AJUBA: variants seen among roughly 807,000 people sequenced by gnomAD.
AJUBA encodes the protein ajuba LIM protein.
Under a neutral mutation model 53.3 loss-of-function variants are expected in AJUBA, and 20 were observed. The ratio of observed to expected loss-of-function variants is 0.38; its 90% CI spans 0.26 to 0.55. The LOEUF (loss-of-function observed/expected upper bound fraction) is 0.55. Among genes scored for constraint, AJUBA ranks in the 20% least tolerant of loss-of-function variants. The probability of loss-of-function intolerance (pLI) is 0.80; values close to 1 mark genes in which losing one functional copy is unlikely to be tolerated. For missense variants in AJUBA, 580 were observed against 730.5 expected (o/e 0.79, Z 2.38); for synonymous variants, 296 against 306.2 (o/e 0.97, Z 0.35).
At chr14:22,981,226 G>T (rs745580013) in intron 1 of AJUBA, 35 bp downstream of exon 1, 6 of 1,552,748 alleles carry the variant, frequency 3.9e-6, no homozygotes, top group East Asian at 2.3e-5. Context: ...ACCGTGACGG[G>T]TCCCTTCCCG....
intron 7 of AJUBA, 97 bp from the exon 8 acceptor site, chr14:22,973,665 C>G: frequency 6.6e-7 from 1 of 1,510,194 alleles, no homozygotes; most frequent in Non-Finnish European, 9.0e-7. Context: ...CTCCTAATAA[C>G]TGGAAGAAAG....
chr14:22,973,244 C>G lies in AJUBA; in HGVS notation c.*199G>C, dbSNP rs1004906347. The G allele has an allele frequency of 4.6e-5, 38 of 828,530 alleles. No individual in the cohort carries two copies. Among genetic ancestry groups the G allele is most frequent in the Non-Finnish European group, 6.9e-5 (38 of 549,290 alleles). The allele number at this position is 828,530 out of a possible 1,614,324, so 51.3% of individuals were successfully genotyped here. On this transcript the variant is annotated 3_prime_UTR_variant, in exon 8 of 8. Coordinates refer to ENST00000262713, the MANE Select transcript of AJUBA (RefSeq NM_032876.6). The stretch of plus-strand genomic sequence containing the variant: ...ACATGGGAAAAAGGCCAGTCGCCCC[C>G]ACCCTGGTAAATATAAGGTTTCTCT...
rs1293903399 is a variant in AJUBA, at chr14:22,979,665, T to C, written c.1007-1220A>G. 2.0e-5 allele frequency among the ~76,000 whole-genome samples: 3 copies of C among 152,178 alleles called. No individual in the cohort carries two copies. The highest frequency in any genetic ancestry group is 7.2e-5 in the African/African-American group (3 of 41,434). On this transcript the variant is annotated intron_variant, in intron 1 of 7. Coordinates refer to ENST00000262713, the MANE Select transcript of AJUBA (RefSeq NM_032876.6). This position sits in a 1 kb window ranked among gnomAD's most constrained non-coding sequence, Gnocchi z 4.0. ...GTGAAGATCTGCCCCAAGATTGCCATGCCAGGGGGTCCTGTCGGAGCCATT... is the reference window on the plus strand; with the variant it reads ...GTGAAGATCTGCCCCAAGATTGCCACGCCAGGGGGTCCTGTCGGAGCCATT...
In AJUBA at chr14:22,982,467, C is replaced by G; in HGVS notation, c.-201G>C. ...GGAGGGGCTGCGTCCCCCCGCGCAT[C>G]TGGGGCTGAGCGGGGCTAGCAGGGT... On this transcript the variant is annotated 5_prime_UTR_variant, in exon 1 of 8. Transcript: ENST00000262713. 1 of 1,427,110 alleles carries G rather than the reference C, an allele frequency of 7.0e-7. No homozygotes were observed. Among genetic ancestry groups the G allele is most frequent in the Non-Finnish European group, 9.1e-7 (1 of 1,098,192 alleles). 88.4% of individuals were successfully genotyped at this position (1,427,110 alleles called of 1,614,324 possible).
Position 22,973,521 on chromosome 14 carries a change from A to G in AJUBA, c.1539T>C (p.Pro513=), listed in dbSNP as rs1168846453. 1.2e-6 allele frequency: 2 copies of G among 1,614,052 alleles called. No homozygotes were observed. Among genetic ancestry groups the G allele is most frequent in the Non-Finnish European group, 1.7e-6 (2 of 1,180,026 alleles). ...CATGGCAGAGCAAGTGCCCATCCAG[A>G]GGGAAACAGCAGCAGCCTTCCTCAT... The part of the protein sequence containing the change: ...LSDEEGCCCF[P]LDGHLLCHGC... The change falls in exon 8 of 8, where the codon CCT becomes CCC. Residue 513 remains proline, a synonymous_variant. Coordinates refer to ENST00000262713, the MANE Select transcript of AJUBA (RefSeq NM_032876.6).
rs1180773834 is a variant in AJUBA at position 22,982,086 on chromosome 14, A to G, written c.181T>C (p.Leu61=). ...GATGGPGDEP[L]EPAREQGSLD... ...GAACCTTGCTCCCGGGCCGGCTCCA[A>G]CGGCTCATCCCCAGGTCCCCCAGTA... The change falls in exon 1 of 8, where the codon TTG becomes CTG. Residue 61 remains leucine, a synonymous_variant. Coordinates refer to ENST00000262713, the MANE Select transcript of AJUBA (RefSeq NM_032876.6). The G allele has an allele frequency of 3.8e-6, 6 of 1,592,766 alleles. No individual in the cohort carries two copies. The highest frequency in any genetic ancestry group is 5.1e-6 in the Non-Finnish European group (6 of 1,172,446).
chr14:22,977,178 T>C (rs2045045131), intron 2 of AJUBA: 2 of 991,814 alleles, frequency 2.0e-6, no homozygotes, highest in African/African-American at 1.7e-5. Flanking sequence ...CTCAAATGCC[T>C]GTCTCCTTCC....
intron 2 of AJUBA, 116 bp downstream of exon 2, chr14:22,978,228 A>G (rs748921279): frequency 2.0e-6 from 2 of 985,926 alleles, no homozygotes; most frequent in East Asian, 4.9e-5. Flanking sequence ...TGGGGATCCA[A>G]CAGCTGCTCT....
At chr14:22,978,234 G>C in intron 2 of AJUBA, 110 bp downstream of exon 2, 1 of 1,053,812 alleles carries the variant, frequency 9.5e-7, no homozygotes, top group Non-Finnish European at 1.4e-6. Context: ...TCCAACAGCT[G>C]CTCTGTGAGC....
chr14:22,974,591 A>G (rs965255276), intron 6 of AJUBA: 2 of 510,164 alleles, frequency 3.9e-6, no homozygotes, highest in Middle Eastern at 5.1e-4. Context: ...CTCGACCTCA[A>G]AGAAAGTCTC....
chr14:22,978,698 G>C, intron 1 of AJUBA: 1 of 1,270,294 alleles, frequency 7.9e-7, no homozygotes, highest in Non-Finnish European at 1.0e-6. Flanking sequence ...CACTACCTAA[G>C]GAAACCTGGA....
At position 22,981,851 on chromosome 14, in the gene AJUBA, CG is replaced by C; in HGVS notation, c.415del (p.Arg139GlyfsTer103). 6.5e-7 allele frequency: 1 copy of C among 1,534,362 alleles called. No individual in the cohort carries two copies. The highest frequency in any genetic ancestry group is 8.7e-7 in the Non-Finnish European group (1 of 1,146,000). The stretch of plus-strand genomic sequence containing the variant: ...CGCCCCGTCCAGCAGCAGGCTGCCC[CG>C]GGGGCTGGACGGCTTGCTCGCGTCG... The part of the protein sequence containing the change: ...ASDASKPSSP[R>X]GSLLLDGAGA... On this transcript the variant is annotated frameshift_variant, in exon 1 of 8. Coordinates refer to ENST00000262713, the MANE Select transcript of AJUBA (RefSeq NM_032876.6). LOFTEE classifies it high-confidence loss of function.
intron 2 of AJUBA, among the ~76,000 whole-genome samples, chr14:22,978,112 A>C (rs985571783): frequency 6.6e-6 from 1 of 151,912 alleles, no homozygotes; most frequent in African/African-American, 2.4e-5. Flanking sequence ...GTGAGGAAGG[A>C]AGGAGGGACT....
At chr14:22,980,157 T>C (rs1305349182) in intron 1 of AJUBA, among the ~76,000 whole-genome samples, 1 of 151,924 alleles carries the variant, frequency 6.6e-6, no homozygotes, top group Non-Finnish European at 1.5e-5. Flanking sequence ...GGGGCATGAG[T>C]GGTAAGAAGA....
At position 22,981,751 on chromosome 14, in the gene AJUBA, G is replaced by A. The variant is rs1292126500; in HGVS notation, c.516C>T (p.Arg172=). ...GCCCCGCTGGCAAGGGGCTCCCGTG[G>A]CGCTGGTCGTAGCCCATGCTGATGC... ...TSGISMGYDQ[R]HGSPLPAGPC... is the part of the protein sequence containing the mutation. The change falls in exon 1 of 8, where the codon CGC becomes CGT. Residue 172 remains arginine (R), a synonymous_variant. Transcript: ENST00000262713. The A allele has an allele frequency of 2.0e-6, 3 of 1,534,148 alleles. No homozygotes were observed. Among genetic ancestry groups the A allele is most frequent in the African/African-American group, 1.4e-5 (1 of 72,852 alleles).
At chr14:22,978,840 C>G in intron 1 of AJUBA, 1 of 1,249,494 alleles carries the variant, frequency 8.0e-7, no homozygotes, top group Non-Finnish European at 1.0e-6. Flanking sequence ...CACAGGTGCT[C>G]AGCAGCAGAC....
chr14:22,982,075 G>A lies in AJUBA; in HGVS notation c.192C>T (p.Ala64=), dbSNP rs2045106389. Residue 64 remains alanine (A), a synonymous_variant, in exon 1 of 8, where the codon GCC becomes GCT. Coordinates refer to ENST00000262713, the MANE Select transcript of AJUBA (RefSeq NM_032876.6). ...CAGCGTCCAGGGAACCTTGCTCCCG[G>A]GCCGGCTCCAACGGCTCATCCCCAG... ...GGPGDEPLEP[A]REQGSLDAER... is the part of the protein sequence containing the mutation. 2.5e-6 allele frequency: 4 copies of A among 1,592,608 alleles called. No individual in the cohort carries two copies. Among genetic ancestry groups the A allele is most frequent in the Non-Finnish European group, 2.6e-6 (3 of 1,172,786 alleles).
chr14:22,976,947 C>T (rs2045042945), intron 2 of AJUBA: 1 of 1,393,154 alleles, frequency 7.2e-7, no homozygotes, highest in Non-Finnish European at 9.3e-7. Flanking sequence ...CAGCTCCTGC[C>T]TCCTTAACAG....
chr14:22,978,997 C>T, intron 1 of AJUBA: 2 of 1,289,180 alleles, frequency 1.6e-6, no homozygotes, highest in Non-Finnish European at 2.0e-6. Context: ...TCTGGCTTGG[C>T]AGAGGGCTCC....
Sources: gnomAD v4.1 joint callset for allele counts (sites outside exome capture counted in the v4.1 genomes callset) on GRCh38, gnomAD v4.1.1 for gene constraint, Gnocchi (gnomAD v3.1) non-coding constraint, MANE v1.5 for transcripts, NCBI Gene and HGNC (gene_info 2026-07-23, HGNC 2026-07-21) for gene names.